INVS: variants seen among roughly 807,000 people sequenced by gnomAD.
The protein encoded by INVS is inversin, also known as inversion of embryo turning homolog.
In INVS, 86 loss-of-function variants were observed where a neutral mutation model predicts 108.8. The ratio of observed to expected loss-of-function variants is 0.79; its 90% CI spans 0.66 to 0.95. The LOEUF (loss-of-function observed/expected upper bound fraction) is 0.95. INVS is among the 40% of genes least tolerant of loss of function. The pLI is 0.00. For synonymous variants in INVS, 455 were observed against 473.5 expected (o/e 0.96, Z 0.51); for missense variants, 1,169 against 1,297.4 (o/e 0.90, Z 1.52).
intron 3 of INVS, among the ~76,000 whole-genome samples, chr9:100,211,942 G>C (rs1830843831): frequency 6.6e-6 from 1 of 152,148 alleles, no homozygotes; most frequent in African/African-American, 2.4e-5. Flanking sequence ...CATCATATTT[G>C]TTAAGTACTT....
chr9:100,163,319 TAACTG>T (rs1422677742), intron 3 of INVS, among the ~76,000 whole-genome samples: 1 of 151,872 alleles, frequency 6.6e-6, no homozygotes, highest in African/African-American at 2.4e-5. Flanking sequence ...CCCACAAACT[TAACTG>T]AGAAGTGTAG....
At chr9:100,144,642 C>T (rs1373311419) in intron 3 of INVS, among the ~76,000 whole-genome samples, 2 of 152,002 alleles carry the variant, frequency 1.3e-5, no homozygotes, top group Admixed American at 6.6e-5. Flanking sequence ...GAGGGCTAGT[C>T]GCGGAACAAA....
At chr9:100,288,282 A>G (rs1354825499) in intron 13 of INVS, among the ~76,000 whole-genome samples, 1 of 152,116 alleles carries the variant, frequency 6.6e-6, no homozygotes, top group African/African-American at 2.4e-5. Context: ...CCATGTTTGC[A>G]GCTGAGTAGC....
rs963361088 is a variant in INVS, at chr9:100,111,820, C to T, written c.106+7193C>T. The stretch of plus-strand genomic sequence containing the variant: ...AGAGAGTAGGGTGGATAGATAAAGG[C>T]ACAGACCTCGCTCAGTTACTGGCCA... On this transcript the variant is annotated intron_variant, in intron 2 of 16. Transcript: ENST00000262457. Among the ~76,000 whole-genome samples, 6 of 152,156 alleles carry T rather than the reference C, an allele frequency of 3.9e-5. No homozygotes were observed. The East Asian group carries it at 9.7e-4, about 25-fold the overall frequency.
intron 11 of INVS, 63 bp from the exon 12 acceptor site, chr9:100,272,801 T>C (rs1196634463): frequency 2.3e-5 from 33 of 1,423,622 alleles, no homozygotes; most frequent in Non-Finnish European, 3.3e-5. Flanking sequence ...ATATTTTCAG[T>C]TTAACTGTGC....
chr9:100,260,487 G>C (rs557593035), intron 10 of INVS, among the ~76,000 whole-genome samples: 16 of 152,166 alleles, frequency 1.1e-4, no homozygotes, highest in African/African-American at 3.9e-4. Context: ...CACCGTGCCT[G>C]CCTATTACAT....
At chr9:100,296,527 C>G (rs1207562763) in intron 14 of INVS, among the ~76,000 whole-genome samples, 1 of 152,186 alleles carries the variant, frequency 6.6e-6, no homozygotes, top group Non-Finnish European at 1.5e-5. Flanking sequence ...TGGTAAGCTC[C>G]TATTCATCTT....
Position 100,240,138 on chromosome 9 carries a change from G to A in INVS, c.694G>A (p.Gly232Arg). 6.2e-7 allele frequency: 1 copy of A among 1,613,974 alleles called. No homozygotes were observed. Among genetic ancestry groups the A allele is most frequent in the Non-Finnish European group, 8.5e-7 (1 of 1,179,866 alleles). The change falls in exon 6 of 17, where the codon GGG (glycine) becomes AGG (arginine). Residue 232 changes from glycine to arginine, a missense_variant. By Grantham distance (125) the Gly-to-Arg change is moderately radical (BLOSUM62 -2). This residue lies in a region of INVS where 365 missense variants were observed against 397.5 expected (regional missense o/e 0.92). Coordinates refer to ENST00000262457, the MANE Select transcript of INVS (RefSeq NM_014425.5). ...TCCTCTTCACTTTGCAGTTGCTGAT[G>A]GGAATGTGACCGTGGTTGATGTCTT... ...RTPLHFAVAD[G>R]NVTVVDVLTS...
intron 3 of INVS, among the ~76,000 whole-genome samples, chr9:100,133,806 T>C (rs201933221): frequency 0.024 from 1,554 of 65,314 alleles, 4 homozygotes; most frequent in East Asian, 0.095. Context: ...CACACACACA[T>C]ACACACATCC....
chr9:100,138,713 TTTTTTCC>T (rs1430756621), intron 3 of INVS, among the ~76,000 whole-genome samples: 5 of 149,086 alleles, frequency 3.4e-5, no homozygotes, highest in Non-Finnish European at 7.4e-5. Context: ...TTTTTTTTTT[TTTTTTCC>T]TTTCAAGAGA....
At position 100,154,331 on chromosome 9, in the gene INVS, A is replaced by ATTTTTTTTTT. The variant is rs780090630; in HGVS notation, c.273+27801_273+27810dup. Among the ~76,000 whole-genome samples, 634 of 68,532 alleles carry ATTTTTTTTTT rather than the reference A, an allele frequency of 9.3e-3. 58 individuals are homozygous for ATTTTTTTTTT. Among genetic ancestry groups the ATTTTTTTTTT allele is most frequent in the African/African-American group, 0.023 (305 of 12,986 alleles). 45.0% of individuals were successfully genotyped at this position (68,532 alleles called of 152,430 possible). A position where few individuals can be genotyped will look rare whatever the true frequency, so the allele number is the denominator to read the frequency against. ...AGGTGTGTGCCACCACAACCGACTA[A>ATTTTTTTTTT]TTTTTTTTTTTTTTTTTTTTTTTTT... On this transcript the variant is annotated intron_variant, in intron 3 of 16. Coordinates refer to ENST00000262457, the MANE Select transcript of INVS (RefSeq NM_014425.5).
chr9:100,295,288 T>TTA (rs2118774701), intron 14 of INVS, among the ~76,000 whole-genome samples: 1 of 152,236 alleles, frequency 6.6e-6, no homozygotes, highest in South Asian at 2.1e-4. Flanking sequence ...AACAGTGGGC[T>TTA]TATGGTCTAA....
chr9:100,164,783 C>T (rs1829305429), intron 3 of INVS, among the ~76,000 whole-genome samples: 1 of 151,990 alleles, frequency 6.6e-6, no homozygotes, highest in South Asian at 2.1e-4. Flanking sequence ...TTTATTTACA[C>T]ATGTTTGAAT....
chr9:100,129,090 C>T (rs944423967), intron 3 of INVS, among the ~76,000 whole-genome samples: 5 of 151,246 alleles, frequency 3.3e-5, no homozygotes, highest in East Asian at 1.9e-4. Context: ...GAGGCTGAGG[C>T]GGAAGGATTG....
At chr9:100,184,742 A>C (rs1830005757) in intron 3 of INVS, among the ~76,000 whole-genome samples, 1 of 152,096 alleles carries the variant, frequency 6.6e-6, no homozygotes, top group Non-Finnish European at 1.5e-5. Context: ...TAAGGGGAGC[A>C]CTCAAAGAGA....
Position 100,301,760 on chromosome 9 carries a change from CAGAT to C in INVS, c.*1089_*1092del, listed in dbSNP as rs564184731. On this transcript the variant is annotated 3_prime_UTR_variant, in exon 17 of 17. Coordinates refer to ENST00000262457, the MANE Select transcript of INVS (RefSeq NM_014425.5). The stretch of plus-strand genomic sequence containing the variant: ...TTCTGTGCTAACGGTAAGAGATAGA[CAGAT>C]AGGCAATGAAGTGTTCACTTAATTA... Among the ~76,000 whole-genome samples, 41 of 147,788 alleles carry C rather than the reference CAGAT, an allele frequency of 2.8e-4. No homozygotes were observed. The highest frequency in any genetic ancestry group is 7.0e-4 in the African/African-American group (28 of 40,116).
At chr9:100,189,872 G>T (rs1161804095) in intron 3 of INVS, among the ~76,000 whole-genome samples, 1 of 152,032 alleles carries the variant, frequency 6.6e-6, no homozygotes, top group Non-Finnish European at 1.5e-5. Flanking sequence ...TTACAGGCGT[G>T]AGCCACTGTG....
At chr9:100,290,120 T>C (rs1462159923) in intron 13 of INVS, among the ~76,000 whole-genome samples, 1 of 151,902 alleles carries the variant, frequency 6.6e-6, no homozygotes, top group Non-Finnish European at 1.5e-5. Context: ...GGGGGTTGCA[T>C]ATATGTGAAA....
At chr9:100,177,916 C>G (rs1390412486) in intron 3 of INVS, among the ~76,000 whole-genome samples, 1 of 152,188 alleles carries the variant, frequency 6.6e-6, no homozygotes, top group Non-Finnish European at 1.5e-5. Flanking sequence ...TGGAACGAAG[C>G]TTCCAGAGGA....
Sources: gnomAD v4.1 joint callset for allele counts (sites outside exome capture counted in the v4.1 genomes callset) on GRCh38, gnomAD v4.1.1 for gene constraint, gnomAD v4.1.1 regional missense constraint, MANE v1.5 for transcripts, NCBI Gene and HGNC (gene_info 2026-07-23, HGNC 2026-07-21) for gene names.